The following DAAM1 variants were observed in gnomAD, a reference collection of about 807,000 sequenced individuals.
DAAM1 encodes the protein disheveled-associated activator of morphogenesis 1.
In DAAM1, 52 loss-of-function variants were observed where a neutral mutation model predicts 130.0. That is an observed-to-expected ratio of 0.40 (90% CI 0.32 to 0.50). The LOEUF is 0.50. Ranked by LOEUF, DAAM1 falls within the 20% of genes least tolerant of loss-of-function variation. The pLI, the probability that DAAM1 is intolerant of heterozygous loss-of-function variation, is 0.61. For synonymous variants in DAAM1, 452 were observed against 444.5 expected (o/e 1.02, Z -0.21); for missense variants, 1,134 against 1,303.8 (o/e 0.87, Z 2.01).
At chr14:59,363,917 TAATTACTTTCC>T in intron 23 of DAAM1, 135 bp downstream of exon 23, 1 of 1,256,400 alleles carries the variant, frequency 8.0e-7, no homozygotes, top group Non-Finnish European at 1.1e-6. Context: ...AAGTAGTAGA[TAATTACTTTCC>T]AGATTCCATT....
At chr14:59,267,052 T>G (rs1434408638) in intron 2 of DAAM1, among the ~76,000 whole-genome samples, 1 of 152,196 alleles carries the variant, frequency 6.6e-6, no homozygotes, top group Non-Finnish European at 1.5e-5. Context: ...GGATGAGAGA[T>G]AATTCTAGTG....
chr14:59,310,381 C>T (rs1884541418), intron 3 of DAAM1, among the ~76,000 whole-genome samples: 1 of 152,122 alleles, frequency 6.6e-6, no homozygotes. Context: ...GATCCACCCA[C>T]CTCAGTCTCC....
chr14:59,219,664 G>C (rs1037163496), intron 1 of DAAM1, among the ~76,000 whole-genome samples: 1 of 152,186 alleles, frequency 6.6e-6, no homozygotes. Context: ...TTGGATCTTA[G>C]GTATAGTCAA....
chr14:59,262,347 A>G (rs11621970), intron 1 of DAAM1, among the ~76,000 whole-genome samples: 28,692 of 152,090 alleles, frequency 0.19, 3,218 homozygotes, highest in Non-Finnish European at 0.25. Flanking sequence ...TTTTTTCAAT[A>G]GACAGTATCA....
intron 4 of DAAM1, among the ~76,000 whole-genome samples, chr14:59,318,755 C>T (rs1426989348): frequency 6.6e-6 from 1 of 152,044 alleles, no homozygotes; most frequent in Non-Finnish European, 1.5e-5. Flanking sequence ...AGGTTATGTT[C>T]CTTACACAGT....
At chr14:59,198,617 G>T (rs1887990200) in intron 1 of DAAM1, among the ~76,000 whole-genome samples, 1 of 152,180 alleles carries the variant, frequency 6.6e-6, no homozygotes, top group African/African-American at 2.4e-5. Context: ...TCTGTTAGGG[G>T]ATAAAGAGAT....
At chr14:59,303,910 TAAATA>T (rs988405630) in intron 3 of DAAM1, among the ~76,000 whole-genome samples, 5 of 151,810 alleles carry the variant, frequency 3.3e-5, no homozygotes, top group South Asian at 2.1e-4. Context: ...AAAAATAAAA[TAAATA>T]AAATAAAATA....
At chr14:59,201,500 A>C (rs1182218276) in intron 1 of DAAM1, among the ~76,000 whole-genome samples, 1 of 152,090 alleles carries the variant, frequency 6.6e-6, no homozygotes. Context: ...CTGTAATCCC[A>C]GCTACTCGGG....
chr14:59,358,455 T>G (rs1886570349), intron 20 of DAAM1, among the ~76,000 whole-genome samples: 1 of 152,186 alleles, frequency 6.6e-6, no homozygotes, highest in Admixed American at 6.5e-5. Flanking sequence ...TGCTAGGATA[T>G]CACATGGTGG....
intron 2 of DAAM1, among the ~76,000 whole-genome samples, chr14:59,277,119 A>G (rs1190936215): frequency 6.6e-6 from 1 of 152,206 alleles, no homozygotes; most frequent in Non-Finnish European, 1.5e-5. Flanking sequence ...TAGAGGTTTT[A>G]TAAATGATCC....
chr14:59,263,722 T>C (rs760460601), intron 2 of DAAM1, 62 bp downstream of exon 2: 9 of 1,605,524 alleles, frequency 5.6e-6, no homozygotes, highest in Non-Finnish European at 6.8e-6. Flanking sequence ...GAGGAGAGGA[T>C]GTGAATGAGT....
intron 1 of DAAM1, among the ~76,000 whole-genome samples, chr14:59,191,412 T>A (rs1887726385): frequency 6.6e-6 from 1 of 152,080 alleles, no homozygotes; most frequent in Non-Finnish European, 1.5e-5. Flanking sequence ...GAGCAGTTTG[T>A]TCATTTGTAG....
chr14:59,234,312 T>C (rs1168627939), intron 1 of DAAM1, among the ~76,000 whole-genome samples: 1 of 152,128 alleles, frequency 6.6e-6, no homozygotes. Context: ...TTGAGCAGAG[T>C]GGTTTGTAGT....
chr14:59,194,914 T>C (rs1847497636), intron 1 of DAAM1, among the ~76,000 whole-genome samples: 1 of 152,226 alleles, frequency 6.6e-6, no homozygotes, highest in Non-Finnish European at 1.5e-5. Flanking sequence ...ATCTTTTCCT[T>C]TTGGCTTAAA....
intron 3 of DAAM1, among the ~76,000 whole-genome samples, chr14:59,292,451 A>G (rs1339059053): frequency 6.6e-6 from 1 of 152,042 alleles, no homozygotes; most frequent in African/African-American, 2.4e-5. Flanking sequence ...ATCTTACATT[A>G]CTCAATAAAG....
Position 59,331,434 on chromosome 14 carries a change from C to G in DAAM1, c.1786C>G (p.Leu596Val). ...IMPPPGAPMG[L>V]ALKKKSIPQP... ...GCCACCTCCTGGTGCTCCAATGGGCCTAGCACTGAAGAAGAAAAGCATTCC... is the reference window on the plus strand; with the variant it reads ...GCCACCTCCTGGTGCTCCAATGGGCGTAGCACTGAAGAAGAAAAGCATTCC... The change falls in exon 14 of 25, where the codon CTA becomes GTA. Residue 596 changes from leucine (L) to valine (V), a missense_variant. Transcript: ENST00000360909. 6.2e-7 allele frequency: 1 copy of G among 1,613,922 alleles called. No individual in the cohort carries two copies. Among genetic ancestry groups the G allele is most frequent in the Non-Finnish European group, 8.5e-7 (1 of 1,179,940 alleles).
rs548286108 is a variant in DAAM1, at chr14:59,351,367, C to G, written c.2161-1159C>G. On this transcript the variant is annotated intron_variant, in intron 17 of 24. Coordinates refer to ENST00000360909, the MANE Select transcript of DAAM1 (RefSeq NM_001270520.2). The stretch of plus-strand genomic sequence containing the variant: ...TTTTTTAAAAAAACGTAAACTCACT[C>G]TCCTACGTGAGATTTTTAAGGTATG... Among the ~76,000 whole-genome samples the G allele has an allele frequency of 3.3e-5, 5 of 152,276 alleles. No individual in the cohort carries two copies. The South Asian group carries it at 8.3e-4, about 25-fold the overall frequency.
chr14:59,201,405 C>G (rs1002861663), intron 1 of DAAM1, among the ~76,000 whole-genome samples: 2 of 151,792 alleles, frequency 1.3e-5, no homozygotes, highest in African/African-American at 4.8e-5. Flanking sequence ...GGTGGACCAC[C>G]TGAGGTCAGG....
chr14:59,246,574 A>C (rs1000155494), intron 1 of DAAM1, among the ~76,000 whole-genome samples: 1 of 152,212 alleles, frequency 6.6e-6, no homozygotes, highest in African/African-American at 2.4e-5. Flanking sequence ...TCCCAGAAGT[A>C]TGGTTGCTGG....
Sources: allele counts gnomAD v4.1 joint callset (sites outside exome capture counted in the v4.1 genomes callset), GRCh38; gene constraint gnomAD v4.1.1; transcripts MANE v1.5; gene names NCBI Gene and HGNC (gene_info 2026-07-23, HGNC 2026-07-21).